STAB2: variants seen among roughly 807,000 people sequenced by gnomAD.
STAB2 encodes the protein stabilin 2, also known as stabilin-2.
Under a neutral mutation model 338.1 loss-of-function variants are expected in STAB2, and 288 were observed. The ratio of observed to expected loss-of-function variants is 0.85; its 90% confidence interval spans 0.77 to 0.94. The LOEUF (loss-of-function observed/expected upper bound fraction) is 0.94, where lower values mean the gene tolerates loss of function less well. Among genes scored for constraint, STAB2 ranks in the 40% least tolerant of loss-of-function variants. STAB2 has a pLI of 0.00. For synonymous variants in STAB2, 1,202 were observed against 1,193.3 expected, an observed-to-expected ratio of 1.01 and a Z score of -0.15; for missense variants, 3,141 against 3,210.1, an observed-to-expected ratio of 0.98 and a Z score of 0.52.
At chr12:103,619,383 T>G (rs1957261961) in intron 3 of STAB2, among the ~76,000 whole-genome samples, 1 of 152,158 alleles carries the variant, frequency 6.6e-6, no homozygotes, top group Non-Finnish European at 1.5e-5. Flanking sequence ...CAACAGCAAG[T>G]ATAAAAAGAA....
intron 9 of STAB2, among the ~76,000 whole-genome samples, chr12:103,647,562 ACTC>A (rs1409251154): frequency 2.0e-5 from 3 of 152,108 alleles, no homozygotes. Context: ...CCAGCTGTCA[ACTC>A]CTCTATACTG....
chr12:103,743,838 G>T (rs1375206405), intron 56 of STAB2, among the ~76,000 whole-genome samples: 1 of 152,170 alleles, frequency 6.6e-6, no homozygotes, highest in Non-Finnish European at 1.5e-5. Flanking sequence ...GAGCGGAGTG[G>T]GCAAAGAGGA....
At chr12:103,650,381 T>C in intron 10 of STAB2, 115 bp from the exon 11 acceptor site, 2 of 746,454 alleles carry the variant, frequency 2.7e-6, no homozygotes, top group Admixed American at 2.3e-5. Flanking sequence ...CCCATTAGAA[T>C]AGAGAAGGGC....
intron 44 of STAB2, among the ~76,000 whole-genome samples, chr12:103,718,672 T>C (rs754307281): frequency 6.6e-6 from 1 of 152,240 alleles, no homozygotes; most frequent in African/African-American, 2.4e-5. Context: ...AACTCACTTA[T>C]TTCATTAGAA....
At chr12:103,703,863 G>A (rs938862233) in intron 35 of STAB2, among the ~76,000 whole-genome samples, 34 of 152,282 alleles carry the variant, frequency 2.2e-4, no homozygotes, top group Middle Eastern at 3.4e-3. Context: ...GCACTAACCT[G>A]TGTAATCCTC....
intron 67 of STAB2, among the ~76,000 whole-genome samples, chr12:103,763,154 A>C (rs1337844410): frequency 1.3e-5 from 2 of 152,208 alleles, no homozygotes; most frequent in Admixed American, 1.3e-4. Flanking sequence ...AAGTTAAAGG[A>C]TAGGCAACAC....
intron 23 of STAB2, 23 bp downstream of exon 23, chr12:103,674,110 C>G (rs752957553): frequency 1.3e-6 from 2 of 1,597,430 alleles, no homozygotes; most frequent in South Asian, 1.1e-5. Context: ...GGGAATGGCC[C>G]TTAATGACGC....
chr12:103,761,941 T>A (rs907965348), intron 66 of STAB2, among the ~76,000 whole-genome samples: 1 of 152,118 alleles, frequency 6.6e-6, no homozygotes. Context: ...TTCCACAGCA[T>A]AGTGGTTAAG....
At chr12:103,641,261 A>G (rs143853893) in intron 9 of STAB2, among the ~76,000 whole-genome samples, 4 of 152,364 alleles carry the variant, frequency 2.6e-5, no homozygotes, top group Non-Finnish European at 4.4e-5. Context: ...TATCTGGACA[A>G]ATAAATAGAT....
At chr12:103,688,993 A>G (rs697207) in intron 28 of STAB2, among the ~76,000 whole-genome samples, 67,991 of 150,738 alleles carry the variant, frequency 0.45, 15,283 homozygotes, top group East Asian at 0.54. Flanking sequence ...AGTAAATACT[A>G]CAAACCAAGT....
intron 65 of STAB2, among the ~76,000 whole-genome samples, chr12:103,760,508 G>A (rs1351100742): frequency 2.0e-5 from 3 of 152,194 alleles, no homozygotes; most frequent in Admixed American, 2.0e-4. Flanking sequence ...TGACATGCCT[G>A]CCTCGGCCTT....
chr12:103,732,453 C>T (rs1881708743), intron 50 of STAB2, among the ~76,000 whole-genome samples: 1 of 152,330 alleles, frequency 6.6e-6, no homozygotes, highest in East Asian at 1.9e-4. Flanking sequence ...CCCTGATACT[C>T]AACCCTGAGC....
chr12:103,622,021 A>G lies in STAB2; in HGVS notation c.418-21A>G, dbSNP rs200072746. On this transcript the variant is annotated intron_variant, in intron 4 of 68. Coordinates refer to ENST00000388887, the MANE Select transcript of STAB2 (RefSeq NM_017564.10). ...ATGGGTCACCTTGGGTCTAATGTCA[A>G]CCACCTGGGGTGTTTTGCAGGAAGG... is the stretch of plus-strand genomic sequence containing the variant. 27 of 1,613,984 alleles carry G rather than the reference A, an allele frequency of 1.7e-5. No individual in the cohort carries two copies. The East Asian group carries it at 3.1e-4, about 19-fold the overall frequency.
intron 15 of STAB2, among the ~76,000 whole-genome samples, chr12:103,659,420 T>A (rs759258165): frequency 6.6e-6 from 1 of 152,236 alleles, no homozygotes; most frequent in Non-Finnish European, 1.5e-5. Context: ...AACCTGTTCT[T>A]AGAACATTCA....
chr12:103,676,067 T>TC, intron 24 of STAB2, 46 bp downstream of exon 24: 1 of 1,411,904 alleles, frequency 7.1e-7, no homozygotes, highest in South Asian at 1.3e-5. Context: ...TCTTTTTTTT[T>TC]TTTTTTTTTT....
rs185800969 is a variant in STAB2, at chr12:103,666,339, A to G, written c.2071A>G (p.Asn691Asp). ...GGTGTACTGGAGCAGATGTCCTGCT[A>G]ACTCTGAGCCCACAGTGAGTGTGAC... ...SLVYWSRCPA[N>D]SEPTALFTHR... Residue 691 changes from asparagine (N) to aspartate (D), a missense_variant, in exon 19 of 69, where the codon AAC (asparagine) becomes GAC (aspartate). By Grantham distance (23) the Asn-to-Asp change is conservative (BLOSUM62 1). Coordinates refer to ENST00000388887, the MANE Select transcript of STAB2 (RefSeq NM_017564.10). The G allele has an allele frequency of 6.2e-7, 1 of 1,614,210 alleles. No individual in the cohort carries two copies. Among genetic ancestry groups the G allele is most frequent in the East Asian group, 2.2e-5 (1 of 44,888 alleles).
rs376051103 is a variant in STAB2, at chr12:103,712,457, G to A, written c.4411+14G>A. On this transcript the variant is annotated intron_variant, in intron 41 of 68. Transcript: ENST00000388887. ...CCATCTGCACAGGCAAGCGAAGGAAGGAATTTGCTGGGGGGGCTGGCAAGG... is the reference window on the plus strand; with the variant it reads ...CCATCTGCACAGGCAAGCGAAGGAAAGAATTTGCTGGGGGGGCTGGCAAGG... 57 of 1,604,998 alleles carry A rather than the reference G, an allele frequency of 3.6e-5. No individual in the cohort carries two copies. The highest frequency in any genetic ancestry group is 4.7e-5 in the Non-Finnish European group (55 of 1,172,276).
At chr12:103,747,433 TTTATC>T (rs1883152844) in intron 58 of STAB2, among the ~76,000 whole-genome samples, 2 of 152,190 alleles carry the variant, frequency 1.3e-5, no homozygotes, top group Non-Finnish European at 2.9e-5. Context: ...CTGAACTCCT[TTTATC>T]TTGTGGCTCT....
chr12:103,609,115 T>A (rs1299293213), intron 3 of STAB2, among the ~76,000 whole-genome samples: 1 of 152,172 alleles, frequency 6.6e-6, no homozygotes, highest in Admixed American at 6.5e-5. Flanking sequence ...TGAAGTCAGG[T>A]AGTGTGATGC....
Sources: gnomAD v4.1 joint callset for allele counts (sites outside exome capture counted in the v4.1 genomes callset) on GRCh38, gnomAD v4.1.1 for gene constraint, MANE v1.5 for transcripts, NCBI Gene and HGNC (gene_info 2026-07-23, HGNC 2026-07-21) for gene names.